CAST: variants seen among roughly 807,000 people sequenced by gnomAD.
CAST encodes the protein calpastatin.
A neutral mutation model predicts 119.6 loss-of-function variants in CAST; 76 were observed. That is an observed-to-expected ratio of 0.64 (90% confidence interval 0.53 to 0.77). The LOEUF is 0.77. CAST is among the 30% of genes least tolerant of loss of function. The probability of loss-of-function intolerance (pLI) is 0.00; values close to 1 mark genes in which losing one functional copy is unlikely to be tolerated. For missense variants in CAST, 953 were observed against 946.5 expected, an observed-to-expected ratio of 1.01 and a Z score of -0.09; for synonymous variants, 319 against 331.6, an observed-to-expected ratio of 0.96 and a Z score of 0.41.
chr5:96,634,277 G>A (rs1202461505), intron 1 of CAST, among the ~76,000 whole-genome samples: 1 of 152,074 alleles, frequency 6.6e-6, no homozygotes, highest in African/African-American at 2.4e-5. Context: ...AGAGTGAAAG[G>A]GCTTCAACTG....
the CAST span, among the ~76,000 whole-genome samples, chr5:96,007,486 T>A: frequency 6.6e-6 from 1 of 152,212 alleles, no homozygotes; most frequent in Admixed American, 6.5e-5. Flanking sequence ...CTAACATTGC[T>A]ATATTGAAAC....
the CAST span, among the ~76,000 whole-genome samples, chr5:96,474,312 T>C: frequency 1.3e-5 from 2 of 151,970 alleles, no homozygotes; most frequent in African/African-American, 4.8e-5. Context: ...AGAACACCAC[T>C]GCTACCAAAA....
Position 96,618,532 on chromosome 5 carries a change from C to T in CAST, c.61-57007C>T, listed in dbSNP as rs139384064. On this transcript the variant is annotated intron_variant, in intron 1 of 11. Transcript: ENST00000505143. Reference sequence around the variant, plus strand: ...TGGAGGGAGACGCACGGGTGGGAACCGGGGCTGCGCATGGCGCTCGCGAGC... The same window carrying T: ...TGGAGGGAGACGCACGGGTGGGAACTGGGGCTGCGCATGGCGCTCGCGAGC... 1.3e-3 allele frequency among the ~76,000 whole-genome samples: 199 copies of T among 152,340 alleles called. 1 individual carries two copies. The highest frequency in any genetic ancestry group is 4.1e-3 in the South Asian group (20 of 4,824).
rs1289698677 is a variant in CAST at position 96,773,156 on chromosome 5, G to A, written c.*540G>A. On this transcript the variant is annotated 3_prime_UTR_variant, in exon 32 of 32. Coordinates refer to ENST00000675179, the MANE Select transcript of CAST (RefSeq NM_001750.7). Reference sequence around the variant, plus strand: ...GTTTATAAGTCAAACATAAGATATTGTACATTGGGCACATATCTCCTCTTG... The same window carrying A: ...GTTTATAAGTCAAACATAAGATATTATACATTGGGCACATATCTCCTCTTG... 6.5e-6 allele frequency: 1 copy of A among 153,692 alleles called. No individual in the cohort carries two copies. Among genetic ancestry groups the A allele is most frequent in the Non-Finnish European group, 1.5e-5 (1 of 67,980 alleles). The allele number at this position is 153,692 out of a possible 1,614,324, so 9.5% of individuals were successfully genotyped here. A position where few individuals can be genotyped will look rare whatever the true frequency, so the allele number is the denominator to read the frequency against.
the CAST span, among the ~76,000 whole-genome samples, chr5:96,413,652 T>C: frequency 6.7e-6 from 1 of 149,478 alleles, no homozygotes; most frequent in East Asian, 2.0e-4. Context: ...ATACAAAAAT[T>C]AGTCAGGCAT....
the CAST span, chr5:96,318,563 C>T: frequency 6.6e-6 from 1 of 152,192 alleles, no homozygotes; most frequent in African/African-American, 2.4e-5. Flanking sequence ...TAACAAGTTG[C>T]TGTGTTGCAT....
At chr5:96,123,804 A>G in the CAST span, among the ~76,000 whole-genome samples, 1 of 152,162 alleles carries the variant, frequency 6.6e-6, no homozygotes, top group Non-Finnish European at 1.5e-5. Context: ...TAAATGAAAA[A>G]CTTTACATTA....
At chr5:96,297,141 T>A in the CAST span, among the ~76,000 whole-genome samples, 6 of 152,234 alleles carry the variant, frequency 3.9e-5, no homozygotes, top group African/African-American at 1.4e-4. Context: ...GACAGCTTTC[T>A]GTTCCAGTAG....
chr5:96,555,053 G>A (rs1746208068), intron 1 of CAST, among the ~76,000 whole-genome samples: 1 of 152,182 alleles, frequency 6.6e-6, no homozygotes, highest in South Asian at 2.1e-4. Flanking sequence ...CCATTACTGG[G>A]CATATACCCA....
chr5:96,469,067 T>G, the CAST span, among the ~76,000 whole-genome samples: 2 of 152,096 alleles, frequency 1.3e-5, no homozygotes, highest in Non-Finnish European at 1.5e-5. Flanking sequence ...GAACACTGTC[T>G]CTATGTCTTG....
chr5:96,425,024 G>GAA, the CAST span, among the ~76,000 whole-genome samples: 4 of 71,616 alleles, frequency 5.6e-5, no homozygotes, highest in Non-Finnish European at 1.2e-4. Context: ...AAGAAAGAAA[G>GAA]AAAGAAAGAA....
chr5:96,564,659 C>T (rs963268459), intron 1 of CAST, among the ~76,000 whole-genome samples: 1 of 152,230 alleles, frequency 6.6e-6, no homozygotes, highest in Non-Finnish European at 1.5e-5. Context: ...TGGCTCATGC[C>T]TGTAATCCCA....
At chr5:96,048,288 T>A in the CAST span, among the ~76,000 whole-genome samples, 1 of 152,088 alleles carries the variant, frequency 6.6e-6, no homozygotes, top group Non-Finnish European at 1.5e-5. Context: ...CAGAGTAAAT[T>A]CTCTGGATGA....
At chr5:96,312,286 T>C in the CAST span, among the ~76,000 whole-genome samples, 1 of 152,136 alleles carries the variant, frequency 6.6e-6, no homozygotes, top group African/African-American at 2.4e-5. Context: ...GCTCTCCTTT[T>C]ATGAGTACCT....
the CAST span, among the ~76,000 whole-genome samples, chr5:96,040,840 G>A: frequency 2.6e-5 from 4 of 151,948 alleles, no homozygotes; most frequent in African/African-American, 9.7e-5. Flanking sequence ...CTCTTTTTTT[G>A]TTGTGTCTCT....
chr5:96,280,987 A>G, the CAST span, among the ~76,000 whole-genome samples: 1 of 152,226 alleles, frequency 6.6e-6, no homozygotes, highest in Admixed American at 6.5e-5. Context: ...TTAAAATAAT[A>G]GAAACAATAT....
At chr5:96,440,969 A>G in the CAST span, among the ~76,000 whole-genome samples, 1 of 152,214 alleles carries the variant, frequency 6.6e-6, no homozygotes, top group African/African-American at 2.4e-5. Context: ...GACCACCTGG[A>G]TTTGATTCTC....
At chr5:95,992,152 A>G in the CAST span, among the ~76,000 whole-genome samples, 1 of 152,190 alleles carries the variant, frequency 6.6e-6, no homozygotes, top group Admixed American at 6.5e-5. Flanking sequence ...CTTGACGAGA[A>G]ATCCATGCTT....
At chr5:96,448,184 C>T in the CAST span, among the ~76,000 whole-genome samples, 10 of 152,140 alleles carry the variant, frequency 6.6e-5, no homozygotes, top group East Asian at 5.8e-4. Flanking sequence ...TTCCAGAAAG[C>T]GTATTAACAT....
Sources: gnomAD v4.1 joint callset for allele counts (sites outside exome capture counted in the v4.1 genomes callset) on GRCh38, gnomAD v4.1.1 for gene constraint, MANE v1.5 for transcripts, NCBI Gene and HGNC (gene_info 2026-07-23, HGNC 2026-07-21) for gene names.